The following DPP6 variants were observed in gnomAD, a reference collection of about 807,000 sequenced individuals.
The protein encoded by DPP6 is dipeptidyl peptidase like 6.
DPP6 carries 69 observed loss-of-function variants against 122.6 expected under a neutral mutation model. The ratio of observed to expected loss-of-function variants is 0.56; its 90% CI spans 0.46 to 0.69. The LOEUF (loss-of-function observed/expected upper bound fraction) is 0.69. DPP6 is among the 30% of genes least tolerant of loss of function. The probability of loss-of-function intolerance (pLI) is 0.00; values close to 1 mark genes in which losing one functional copy is unlikely to be tolerated. For missense variants in DPP6, 928 were observed against 1,116.9 expected, an observed-to-expected ratio of 0.83 and a Z score of 2.41; for synonymous variants, 418 against 433.1, an observed-to-expected ratio of 0.97 and a Z score of 0.43.
At chr7:154,366,107 C>G (rs1040045465) in intron 1 of DPP6, among the ~76,000 whole-genome samples, 2 of 152,154 alleles carry the variant, frequency 1.3e-5, no homozygotes, top group Non-Finnish European at 2.9e-5. Context: ...TTATAACCTG[C>G]TCCAGAGCCT....
In DPP6 at chr7:154,775,669, A is replaced by G. The variant is rs571276128; in HGVS notation, c.1136+2727A>G. On this transcript the variant is annotated intron_variant, in intron 10 of 25. Transcript: ENST00000377770. ...CTAGGGTGAGTCTGCCGGGTTACTCAGCCATCCGGGAGAGACGCCTACCCC... is the reference window on the plus strand; with the variant it reads ...CTAGGGTGAGTCTGCCGGGTTACTCGGCCATCCGGGAGAGACGCCTACCCC... Among the ~76,000 whole-genome samples the G allele has an allele frequency of 5.9e-5, 9 of 152,142 alleles. No homozygotes were observed. The South Asian group carries it at 6.2e-4, about 11-fold the overall frequency.
At chr7:154,060,498 C>G (rs1221358186) in intron 1 of DPP6, among the ~76,000 whole-genome samples, 1 of 138,198 alleles carries the variant, frequency 7.2e-6, no homozygotes, top group Admixed American at 7.1e-5. Context: ...TCCTAAGATC[C>G]TTAGGACCCA....
intron 1 of DPP6, among the ~76,000 whole-genome samples, chr7:154,178,244 A>G (rs898291592): frequency 5.9e-5 from 9 of 152,216 alleles, no homozygotes; most frequent in Non-Finnish European, 1.3e-4. Context: ...TCCAATTACT[A>G]TAGAAAATTT....
At position 154,083,490 on chromosome 7, in the gene DPP6, C is replaced by G. The variant is rs548374595; in HGVS notation, c.243+30427C>G. ...CCTCTGAGTCTCTGGTTCCTGGTCACCCAAGCCTCCATCATGCCCTCTTCC... is the reference window on the plus strand; with the variant it reads ...CCTCTGAGTCTCTGGTTCCTGGTCAGCCAAGCCTCCATCATGCCCTCTTCC... On this transcript the variant is annotated intron_variant, in intron 1 of 25. Transcript: ENST00000377770. Among the ~76,000 whole-genome samples the G allele has an allele frequency of 2.1e-5, 3 of 143,588 alleles. No homozygotes were observed. The East Asian group carries it at 5.9e-4, about 28-fold the overall frequency. 94.2% of individuals were successfully genotyped at this position (143,588 alleles called of 152,430 possible).
chr7:154,413,510 G>C (rs1258996562), intron 1 of DPP6, among the ~76,000 whole-genome samples: 1 of 152,114 alleles, frequency 6.6e-6, no homozygotes, highest in African/African-American at 2.4e-5. Context: ...GATTTTTCTA[G>C]AGCGAATATA....
the DPP6 span, among the ~76,000 whole-genome samples, chr7:153,767,147 A>G: frequency 6.6e-6 from 1 of 152,222 alleles, no homozygotes; most frequent in Non-Finnish European, 1.5e-5. Context: ...TGTGAAGCCC[A>G]GAAATTCCTC....
intron 1 of DPP6, among the ~76,000 whole-genome samples, chr7:154,074,033 A>G (rs1160778945): frequency 7.7e-6 from 1 of 130,312 alleles, no homozygotes; most frequent in African/African-American, 2.8e-5. Context: ...GTATGTATGT[A>G]TGTATGTAAG....
intron 5 of DPP6, among the ~76,000 whole-genome samples, chr7:154,573,860 C>T (rs983364323): frequency 5.3e-5 from 8 of 152,218 alleles, no homozygotes; most frequent in Non-Finnish European, 1.2e-4. Flanking sequence ...GATGTGGGCT[C>T]CTGTCCCTTG....
chr7:154,063,583 A>T (rs7802047), intron 1 of DPP6, among the ~76,000 whole-genome samples: 5,435 of 54,706 alleles, frequency 0.099, 518 homozygotes, highest in African/African-American at 0.18. Context: ...CCTCTGGCTG[A>T]TAGTACCCCC....
chr7:153,835,762 C>A, the DPP6 span, among the ~76,000 whole-genome samples: 3 of 152,136 alleles, frequency 2.0e-5, no homozygotes, highest in African/African-American at 4.8e-5. Flanking sequence ...GTTTTGAGGA[C>A]AGACCTAAGA....
At chr7:154,318,263 A>C (rs1292125454) in intron 1 of DPP6, among the ~76,000 whole-genome samples, 1 of 152,226 alleles carries the variant, frequency 6.6e-6, no homozygotes, top group Admixed American at 6.5e-5. Flanking sequence ...AATGTATATG[A>C]GAGTTGTTAA....
intron 6 of DPP6, among the ~76,000 whole-genome samples, chr7:154,660,755 G>A (rs868675984): frequency 4.4e-4 from 7 of 15,964 alleles, no homozygotes; most frequent in African/African-American, 9.2e-4. Flanking sequence ...CGTATTGGCC[G>A]TAGTGTTCCT....
At chr7:153,786,740 GAAA>G in the DPP6 span, among the ~76,000 whole-genome samples, 5 of 31,800 alleles carry the variant, frequency 1.6e-4, no homozygotes, top group Admixed American at 4.3e-4. Flanking sequence ...CTCCGTCTCA[GAAA>G]AAAAAAAAAA....
At chr7:154,538,819 G>T (rs933023149) in intron 3 of DPP6, among the ~76,000 whole-genome samples, 1 of 152,092 alleles carries the variant, frequency 6.6e-6, no homozygotes, top group Non-Finnish European at 1.5e-5. Flanking sequence ...GATGCACCTT[G>T]GTGTGTTTGC....
At chr7:154,069,416 G>A (rs1385321838) in intron 1 of DPP6, among the ~76,000 whole-genome samples, 1 of 147,452 alleles carries the variant, frequency 6.8e-6, no homozygotes, top group Non-Finnish European at 1.5e-5. Context: ...CTTTTCAAGA[G>A]TTAAACTGTG....
chr7:154,184,474 A>G (rs911004845), intron 1 of DPP6, among the ~76,000 whole-genome samples: 5 of 151,590 alleles, frequency 3.3e-5, no homozygotes, highest in Admixed American at 6.6e-5. Flanking sequence ...TGCTGCAAGA[A>G]TCCCTGGGCA....
At chr7:154,694,305 G>GT (rs748748739) in intron 7 of DPP6, among the ~76,000 whole-genome samples, 2 of 152,180 alleles carry the variant, frequency 1.3e-5, no homozygotes, top group Non-Finnish European at 2.9e-5. Context: ...CATTCAATGT[G>GT]TAACACCATA....
At chr7:154,673,399 T>C (rs957270727) in intron 7 of DPP6, among the ~76,000 whole-genome samples, 1 of 152,188 alleles carries the variant, frequency 6.6e-6, no homozygotes, top group East Asian at 1.9e-4. Flanking sequence ...GGTGAGGGCA[T>C]CTTTTCCCAG....
At chr7:153,872,834 TA>T in the DPP6 span, among the ~76,000 whole-genome samples, 3 of 152,140 alleles carry the variant, frequency 2.0e-5, no homozygotes, top group Non-Finnish European at 4.4e-5. Context: ...TGTAGGTCTT[TA>T]AATGCTATTT....
Sources: allele counts gnomAD v4.1 joint callset (sites outside exome capture counted in the v4.1 genomes callset), GRCh38; gene constraint gnomAD v4.1.1; transcripts MANE v1.5; gene names NCBI Gene and HGNC (gene_info 2026-07-23, HGNC 2026-07-21).